EPHA6: variants seen among roughly 807,000 people sequenced by gnomAD.
EPHA6 encodes the protein ephrin type-A receptor 6.
EPHA6 carries 50 observed loss-of-function variants against 112.0 expected under a neutral mutation model. That is an observed-to-expected ratio of 0.45 (90% CI 0.36 to 0.56). EPHA6 has a LOEUF of 0.56. Among genes scored for constraint, EPHA6 ranks in the 20% least tolerant of loss-of-function variants. The pLI, the probability that EPHA6 is intolerant of heterozygous loss-of-function variation, is 0.00. For synonymous variants in EPHA6, 529 were observed against 490.7 expected, an observed-to-expected ratio of 1.08 and a Z score of -1.03; for missense variants, 1,280 against 1,417.4, an observed-to-expected ratio of 0.90 and a Z score of 1.56.
chr3:97,428,928 C>G (rs76343507), intron 6 of EPHA6, among the ~76,000 whole-genome samples: 1 of 152,128 alleles, frequency 6.6e-6, no homozygotes. Flanking sequence ...CTTTAACTCT[C>G]TCTTCTCACA....
At chr3:96,855,044 C>T (rs2035613430) in intron 1 of EPHA6, among the ~76,000 whole-genome samples, 1 of 152,014 alleles carries the variant, frequency 6.6e-6, no homozygotes, top group African/African-American at 2.4e-5. Flanking sequence ...TTTTCTTGCC[C>T]TTTTTAATGT....
intron 2 of EPHA6, among the ~76,000 whole-genome samples, chr3:96,928,560 A>G (rs1052915468): frequency 1.3e-5 from 2 of 152,144 alleles, no homozygotes; most frequent in African/African-American, 4.8e-5. Flanking sequence ...TTTGAGAGTA[A>G]GTGCCGTGCG....
intron 11 of EPHA6, among the ~76,000 whole-genome samples, chr3:97,564,761 G>A (rs2093238911): frequency 6.6e-6 from 1 of 152,036 alleles, no homozygotes; most frequent in African/African-American, 2.4e-5. Context: ...TATTAAACAT[G>A]CAAAATCTCT....
rs780915905 is a variant in EPHA6 at position 97,720,296 on chromosome 3, A to G, written c.2820A>G (p.Glu940=). 2 of 1,611,112 alleles carry G rather than the reference A, an allele frequency of 1.2e-6. No individual in the cohort carries two copies. Among genetic ancestry groups the G allele is most frequent in the Non-Finnish European group, 1.7e-6 (2 of 1,178,726 alleles). Residue 940 remains glutamate, a synonymous_variant, in exon 15 of 18, where the codon GAA becomes GAG. Coordinates refer to ENST00000389672, the MANE Select transcript of EPHA6 (RefSeq NM_001080448.3). The part of the protein sequence containing the change: ...GKIPIRWTAP[E]AIAYRKFSSA... ...TCCCCATAAGGTGGACAGCCCCAGA[A>G]GCCATCGCCTACAGAAAATTCTCCT...
chr3:97,760,319 G>C lies in EPHA6; in HGVS notation c.*11618G>C, dbSNP rs188249659. ...GAATGTGATCTTTTAATTGTGCTTG[G>C]TGCTTTGTTTCTGGAGATATATATA... On this transcript the variant is annotated 3_prime_UTR_variant, in exon 18 of 18. Transcript: ENST00000389672. 1,508 of 168,062 alleles carry C rather than the reference G, an allele frequency of 9.0e-3. 14 individuals are homozygous for C. The highest frequency in any genetic ancestry group is 0.013 in the Non-Finnish European group (1,024 of 78,812). 10.4% of individuals were successfully genotyped at this position (168,062 alleles called of 1,614,324 possible). A position where few individuals can be genotyped will look rare whatever the true frequency, so the allele number is the denominator to read the frequency against.
chr3:97,497,994 C>G (rs2092023469), intron 10 of EPHA6, among the ~76,000 whole-genome samples: 2 of 151,906 alleles, frequency 1.3e-5, no homozygotes, highest in South Asian at 2.1e-4. Context: ...AGGTTTTTTA[C>G]CAGAATGACT....
chr3:97,312,148 A>G (rs1458408388), intron 5 of EPHA6, among the ~76,000 whole-genome samples: 6 of 151,650 alleles, frequency 4.0e-5, no homozygotes, highest in Non-Finnish European at 8.9e-5. Flanking sequence ...CTTCAACTTT[A>G]CTAGATTCAT....
intron 4 of EPHA6, among the ~76,000 whole-genome samples, chr3:97,230,280 G>C (rs890089102): frequency 7.2e-5 from 11 of 152,106 alleles, no homozygotes; most frequent in Admixed American, 1.3e-4. Context: ...AAGGCTTAGA[G>C]TTATTCAGCA....
At chr3:97,681,960 T>C (rs1391524510) in intron 14 of EPHA6, among the ~76,000 whole-genome samples, 1 of 152,068 alleles carries the variant, frequency 6.6e-6, no homozygotes, top group African/African-American at 2.4e-5. Context: ...TATCTGCTAC[T>C]AGTAACCAGA....
At chr3:97,714,051 T>C (rs544081868) in intron 14 of EPHA6, among the ~76,000 whole-genome samples, 9 of 152,296 alleles carry the variant, frequency 5.9e-5, no homozygotes, top group Non-Finnish European at 8.8e-5. Flanking sequence ...ATCAGCAGAA[T>C]TGACTTTGCA....
At chr3:97,410,187 G>T (rs939748430) in intron 6 of EPHA6, among the ~76,000 whole-genome samples, 1 of 151,790 alleles carries the variant, frequency 6.6e-6, no homozygotes. Context: ...TTCTTCCTCC[G>T]TAATCCTGTT....
intron 3 of EPHA6, among the ~76,000 whole-genome samples, chr3:97,061,719 A>G (rs2046027676): frequency 6.6e-6 from 1 of 152,196 alleles, no homozygotes. Flanking sequence ...GATGCCCTGT[A>G]AGAAGCCAAG....
chr3:97,181,213 C>T (rs2076980183), intron 3 of EPHA6, among the ~76,000 whole-genome samples: 1 of 152,130 alleles, frequency 6.6e-6, no homozygotes, highest in African/African-American at 2.4e-5. Flanking sequence ...TCCAGATATG[C>T]TCTCCCAACC....
intron 3 of EPHA6, among the ~76,000 whole-genome samples, chr3:97,091,656 T>TTAAATAA (rs2108230992): frequency 6.6e-6 from 1 of 152,292 alleles, no homozygotes; most frequent in African/African-American, 2.4e-5. Context: ...AATATGTATG[T>TTAAATAA]TAAATAATAT....
chr3:97,672,512 G>T (rs2030947786), intron 14 of EPHA6, among the ~76,000 whole-genome samples: 1 of 152,066 alleles, frequency 6.6e-6, no homozygotes, highest in Non-Finnish European at 1.5e-5. Context: ...AAGGAGAATT[G>T]CACTATTAAT....
intron 3 of EPHA6, among the ~76,000 whole-genome samples, chr3:97,033,835 C>T (rs1374480064): frequency 6.6e-6 from 1 of 151,818 alleles, no homozygotes; most frequent in Non-Finnish European, 1.5e-5. Flanking sequence ...TGTCTAATCA[C>T]CCCCCAAATT....
intron 14 of EPHA6, among the ~76,000 whole-genome samples, chr3:97,665,758 A>T (rs1400821218): frequency 6.6e-6 from 1 of 152,194 alleles, no homozygotes; most frequent in African/African-American, 2.4e-5. Context: ...ATGGTCCACC[A>T]TTTAAAGAAT....
intron 3 of EPHA6, among the ~76,000 whole-genome samples, chr3:96,996,458 C>G (rs1373343275): frequency 6.6e-6 from 1 of 152,002 alleles, no homozygotes; most frequent in East Asian, 1.9e-4. Flanking sequence ...CAGCTATAGC[C>G]TTAGAAAATA....
chr3:96,843,653 G>A lies in EPHA6; in HGVS notation c.386-23172G>A, dbSNP rs117566937. Among the ~76,000 whole-genome samples, 315 of 152,086 alleles carry A rather than the reference G, an allele frequency of 2.1e-3. 9 individuals are homozygous for A. The East Asian group carries it at 0.041, about 20-fold the overall frequency. ...TCCAGATATACAGAATAAAAGGATC[G>A]TGTTGGAGCGAGGAGCAAGGAATGT... On this transcript the variant is annotated intron_variant, in intron 1 of 17. Transcript: ENST00000389672.
Sources: allele counts gnomAD v4.1 joint callset (sites outside exome capture counted in the v4.1 genomes callset), GRCh38; gene constraint gnomAD v4.1.1; transcripts MANE v1.5; gene names NCBI Gene and HGNC (gene_info 2026-07-23, HGNC 2026-07-21).